Variants in TRAPPC10 observed in about 807,000 individuals in gnomAD.
TRAPPC10 encodes the protein TRAPP 130 kDa subunit.
In TRAPPC10, 23 loss-of-function variants were observed where a neutral mutation model predicts 125.5. The ratio of observed to expected loss-of-function variants is 0.18; its 90% confidence interval spans 0.13 to 0.26. TRAPPC10 has a LOEUF of 0.26. Among genes scored for constraint, TRAPPC10 ranks in the 10% least tolerant of loss-of-function variants. The probability of loss-of-function intolerance (pLI) is 1.00; values close to 1 mark genes in which losing one functional copy is unlikely to be tolerated. For synonymous variants in TRAPPC10, 509 were observed against 518.0 expected (o/e 0.98, Z 0.24); for missense variants, 1,123 against 1,308.4 (o/e 0.86, Z 2.19).
In TRAPPC10 at chr21:44,079,550, G is replaced by C; in HGVS notation, c.1470-14G>C. On this transcript the variant is annotated splice_polypyrimidine_tract_variant and intron_variant, in intron 11 of 22. Transcript: ENST00000291574. ...CTAGCTGTAATGAAAGCTACTGTTTGTTGACTTTGCAAGGAGGAAAAAGGC... is the reference window on the plus strand; with the variant it reads ...CTAGCTGTAATGAAAGCTACTGTTTCTTGACTTTGCAAGGAGGAAAAAGGC... 2.5e-6 allele frequency: 4 copies of C among 1,584,456 alleles called. No homozygotes were observed. Among genetic ancestry groups the C allele is most frequent in the Non-Finnish European group, 3.4e-6 (4 of 1,172,874 alleles).
intron 19 of TRAPPC10, among the ~76,000 whole-genome samples, chr21:44,093,245 G>T (rs1309480149): frequency 1.3e-5 from 2 of 151,986 alleles, no homozygotes; most frequent in Non-Finnish European, 2.9e-5. Context: ...GATCACTTGA[G>T]CTCAGGAGTT....
intron 1 of TRAPPC10, among the ~76,000 whole-genome samples, chr21:44,024,364 A>G (rs1037455892): frequency 6.6e-6 from 1 of 152,198 alleles, no homozygotes; most frequent in African/African-American, 2.4e-5. Context: ...GGGGCCTGAG[A>G]ATGAGCATTT....
At chr21:44,070,988 A>C (rs1043633218) in intron 7 of TRAPPC10, among the ~76,000 whole-genome samples, 4 of 152,236 alleles carry the variant, frequency 2.6e-5, no homozygotes, top group African/African-American at 9.6e-5. Context: ...CAACCCAGAC[A>C]CTTGATAGGA....
chr21:44,092,481 T>C (rs545238308), intron 19 of TRAPPC10, among the ~76,000 whole-genome samples: 2 of 152,382 alleles, frequency 1.3e-5, no homozygotes, highest in East Asian at 3.9e-4. Flanking sequence ...TATGGCTCGC[T>C]GCCTGGATGA....
chr21:44,013,786 G>T (rs540881866), intron 1 of TRAPPC10, among the ~76,000 whole-genome samples: 3 of 152,294 alleles, frequency 2.0e-5, no homozygotes, highest in Non-Finnish European at 4.4e-5. Context: ...GAAGTGGACT[G>T]TGTCTCATTT....
chr21:44,086,767 GC>G, intron 15 of TRAPPC10, 34 bp from the exon 16 acceptor site: 1 of 1,606,510 alleles, frequency 6.2e-7, no homozygotes. Context: ...CTTCCGGTTG[GC>G]AGCGGTGCTG....
chr21:44,066,364 C>T (rs2036451159), intron 7 of TRAPPC10, among the ~76,000 whole-genome samples: 1 of 152,202 alleles, frequency 6.6e-6, no homozygotes, highest in Non-Finnish European at 1.5e-5. Context: ...GTGGGTGCTG[C>T]TTACTAGCCT....
At position 44,084,272 on chromosome 21, in the gene TRAPPC10, G is replaced by C; in HGVS notation, c.2380+9G>C. On this transcript the variant is annotated intron_variant, in intron 15 of 22. Transcript: ENST00000291574. Reference sequence around the variant, plus strand: ...CGTGGAGCCGCTGGCTGGTGAGTGGGGTCCCCAGCCTTTGAGGAGGCGTGC... The same window carrying C: ...CGTGGAGCCGCTGGCTGGTGAGTGGCGTCCCCAGCCTTTGAGGAGGCGTGC... 1 of 1,612,334 alleles carries C rather than the reference G, an allele frequency of 6.2e-7. No homozygotes were observed. Among genetic ancestry groups the C allele is most frequent in the Non-Finnish European group, 8.5e-7 (1 of 1,179,382 alleles).
rs766793794 is a variant in TRAPPC10, at chr21:44,091,906, T to C, written c.2871-17T>C. The C allele has an allele frequency of 2.1e-5, 34 of 1,611,682 alleles. No homozygotes were observed. The highest frequency in any genetic ancestry group is 2.8e-5 in the Non-Finnish European group (33 of 1,178,870). ...TTCTTACATATCAAAATAATACTTT[T>C]TGTTTTTCCACTTTAGGAAATATGT... On this transcript the variant is annotated splice_polypyrimidine_tract_variant and intron_variant, in intron 18 of 22. Coordinates refer to ENST00000291574, the MANE Select transcript of TRAPPC10 (RefSeq NM_003274.5).
rs543458483 is a variant in TRAPPC10 at position 44,086,165 on chromosome 21, G to T, written c.2381-637G>T. Among the ~76,000 whole-genome samples, 4 of 152,328 alleles carry T rather than the reference G, an allele frequency of 2.6e-5. No individual in the cohort carries two copies. The East Asian group carries it at 7.7e-4, about 29-fold the overall frequency. On this transcript the variant is annotated intron_variant, in intron 15 of 22. Coordinates refer to ENST00000291574, the MANE Select transcript of TRAPPC10 (RefSeq NM_003274.5). ...CTCCCCATGGCCCAGCGGCTGCAGTGCCAGGCTCATGGCCTGGCTCCTGCT... is the reference window on the plus strand; with the variant it reads ...CTCCCCATGGCCCAGCGGCTGCAGTTCCAGGCTCATGGCCTGGCTCCTGCT...
Position 44,059,755 on chromosome 21 carries a change from T to C in TRAPPC10, c.790+541T>C. 1 of 456,618 alleles carries C rather than the reference T, an allele frequency of 2.2e-6. No individual in the cohort carries two copies. Among genetic ancestry groups the C allele is most frequent in the Admixed American group, 3.7e-5 (1 of 26,866 alleles). 28.3% of individuals were successfully genotyped at this position (456,618 alleles called of 1,614,324 possible). On this transcript the variant is annotated intron_variant, in intron 6 of 22. Coordinates refer to ENST00000291574, the MANE Select transcript of TRAPPC10 (RefSeq NM_003274.5). This position sits in a 1 kb window ranked among gnomAD's most constrained non-coding sequence, Gnocchi z 4.4. ...TGTTTTTCGCTGATACTTATTTTGA[T>C]GAAAGTGATACCACGTTATATAGCT... is the stretch of plus-strand genomic sequence containing the variant.
At chr21:44,012,663 G>C in intron 1 of TRAPPC10, 103 bp downstream of exon 1, 1 of 1,047,772 alleles carries the variant, frequency 9.5e-7, no homozygotes, top group East Asian at 3.2e-5. Context: ...GGCGCGCTCC[G>C]GGCTGGGCCG....
In TRAPPC10 at chr21:44,082,925, C is replaced by G; in HGVS notation, c.1861C>G (p.His621Asp). The G allele has an allele frequency of 1.2e-6, 2 of 1,614,070 alleles. No individual in the cohort carries two copies. The highest frequency in any genetic ancestry group is 1.7e-6 in the Non-Finnish European group (2 of 1,180,032). The change falls in exon 14 of 23, where the codon CAC becomes GAC. Residue 621 changes from histidine (H) to aspartate (D), a missense_variant. By Grantham distance (81) the His-to-Asp change is moderately conservative. Around this residue, in one of 4 missense-constraint regions of TRAPPC10, gnomAD observed 840 missense variants for 902.0 expected, o/e 0.93. Coordinates refer to ENST00000291574, the MANE Select transcript of TRAPPC10 (RefSeq NM_003274.5). The surrounding 1 kb of genome is among the most constrained non-coding windows in gnomAD (Gnocchi z 4.4). Reference sequence around the variant, plus strand: ...GTACAGCCAGATGCCTGTGCCTGTTCACGTGGAGCAGATTGTGGTCAATGT... The same window carrying G: ...GTACAGCCAGATGCCTGTGCCTGTTGACGTGGAGCAGATTGTGGTCAATGT... The part of the protein sequence containing the change: ...TMYSQMPVPV[H>D]VEQIVVNVHF...
chr21:44,072,229 C>T (rs114110149), intron 7 of TRAPPC10, among the ~76,000 whole-genome samples: 2,589 of 152,296 alleles, frequency 0.017, 73 homozygotes, highest in African/African-American at 0.058. Context: ...TGCACCTGTG[C>T]TGTCAGGTGG....
chr21:44,058,405 T>TG (rs1052576224), intron 5 of TRAPPC10, among the ~76,000 whole-genome samples: 1 of 28,720 alleles, frequency 3.5e-5, no homozygotes, highest in Admixed American at 4.0e-4. Flanking sequence ...TGGGAAGGGG[T>TG]GGGGGTGGGG....
intron 1 of TRAPPC10, among the ~76,000 whole-genome samples, chr21:44,019,629 T>C (rs1487138414): frequency 6.6e-6 from 1 of 152,216 alleles, no homozygotes; most frequent in Non-Finnish European, 1.5e-5. Flanking sequence ...TCCAGCTATA[T>C]ATAGGGCCTG....
chr21:44,074,203 TA>T, intron 7 of TRAPPC10, 120 bp from the exon 8 acceptor site: 1 of 1,197,356 alleles, frequency 8.4e-7, no homozygotes, highest in Non-Finnish European at 1.2e-6. Flanking sequence ...ACAGAACTGT[TA>T]GATGAGGTGG....
intron 7 of TRAPPC10, among the ~76,000 whole-genome samples, chr21:44,064,287 AAGAT>A (rs1275148213): frequency 6.6e-6 from 1 of 151,598 alleles, no homozygotes; most frequent in Non-Finnish European, 1.5e-5. Flanking sequence ...AGCTTCATGG[AAGAT>A]ATGTCATAAA....
intron 6 of TRAPPC10, chr21:44,062,479 G>C (rs979782856): frequency 2.2e-5 from 21 of 937,270 alleles, no homozygotes; most frequent in South Asian, 4.9e-5. Flanking sequence ...TGGCCTCCCT[G>C]TGGGGGCGGC....
Sources: allele counts gnomAD v4.1 joint callset (sites outside exome capture counted in the v4.1 genomes callset), GRCh38; gene constraint gnomAD v4.1.1; regional missense constraint gnomAD v4.1.1; non-coding constraint Gnocchi (gnomAD v3.1); transcripts MANE v1.5; gene names NCBI Gene and HGNC (gene_info 2026-07-23, HGNC 2026-07-21).